The following LRRC56 variants were observed in gnomAD, a reference collection of about 807,000 sequenced individuals.
The protein encoded by LRRC56 is leucine-rich repeat-containing protein 56.
In LRRC56, 41 loss-of-function variants were observed where a neutral mutation model predicts 47.8. The ratio of observed to expected loss-of-function variants is 0.86; its 90% CI spans 0.67 to 1.11. LRRC56 has a LOEUF of 1.11. Ranked by LOEUF, LRRC56 falls within the 50% of genes most tolerant of loss-of-function variation. The probability of loss-of-function intolerance (pLI) is 0.00; values close to 1 mark genes in which losing one functional copy is unlikely to be tolerated. For missense variants in LRRC56, 759 were observed against 704.2 expected (o/e 1.08, Z -0.88); for synonymous variants, 387 against 311.2 (o/e 1.24, Z -2.56).
chr11:554,890 G>A lies in LRRC56; in HGVS notation c.*614G>A. On this transcript the variant is annotated 3_prime_UTR_variant, in exon 14 of 14. Transcript: ENST00000270115. ...TGCGGTTTACTTTGTAGGCCACGTT[G>A]GTTCAATAAATGATGCAGCGGACAC... The A allele has an allele frequency of 1.1e-6, 1 of 891,414 alleles. No homozygotes were observed. Among genetic ancestry groups the A allele is most frequent in the South Asian group, 1.9e-5 (1 of 53,252 alleles). 55.2% of individuals were successfully genotyped at this position (891,414 alleles called of 1,614,324 possible). A position where few individuals can be genotyped will look rare whatever the true frequency, so the allele number is the denominator to read the frequency against.
chr11:551,277 G>A lies in LRRC56; in HGVS notation c.771G>A (p.Lys257=). The A allele has an allele frequency of 1.3e-6, 2 of 1,536,302 alleles. No individual in the cohort carries two copies. The highest frequency in any genetic ancestry group is 1.2e-5 in the South Asian group (1 of 83,366). ...GGCTTGCGGTGAAGGAGGCCATCAA[G>A]AAGGGCAACGGCCTTCCCCCGCTGG... The part of the protein sequence containing the change: ...QDWLAVKEAI[K]KGNGLPPLDC... The change falls in exon 9 of 14, where the codon AAG becomes AAA. Residue 257 remains lysine (K), a synonymous_variant. Coordinates refer to ENST00000270115, the MANE Select transcript of LRRC56 (RefSeq NM_198075.4).
intron 5 of LRRC56, among the ~76,000 whole-genome samples, chr11:543,195 T>C (rs1278173900): frequency 1.8e-5 from 2 of 113,386 alleles, no homozygotes; most frequent in Non-Finnish European, 3.5e-5. Context: ...CCACCGCGCC[T>C]GGCCTGTTTT....
upstream of LRRC56, chr11:533,878 C>G (rs1589792804): frequency 6.2e-7 from 1 of 1,613,278 alleles, no homozygotes; most frequent in Non-Finnish European, 8.5e-7. Context: ...TCCTCCTGGC[C>G]GGCGGTATCC....
upstream of LRRC56, chr11:533,739 C>G (rs992164926): frequency 1.9e-6 from 3 of 1,612,834 alleles, no homozygotes; most frequent in Non-Finnish European, 2.5e-6. Context: ...GCGGCGTGGG[C>G]TCCCGGGCCA....
chr11:509,714 A>ATTT, the LRRC56 span, among the ~76,000 whole-genome samples: 2 of 125,208 alleles, frequency 1.6e-5, no homozygotes, highest in Non-Finnish European at 3.3e-5. Context: ...CGCCCGGCTA[A>ATTT]TTTTTTTTTT....
At chr11:545,477 C>CA (rs1852021484) in intron 6 of LRRC56, among the ~76,000 whole-genome samples, 3 of 152,140 alleles carry the variant, frequency 2.0e-5, no homozygotes, top group African/African-American at 7.2e-5. Context: ...GGGAGAGGCA[C>CA]AGCCAGAGCC....
At chr11:524,936 A>AAAAAC in the LRRC56 span, among the ~76,000 whole-genome samples, 2 of 149,814 alleles carry the variant, frequency 1.3e-5, no homozygotes, top group African/African-American at 4.9e-5. Flanking sequence ...ACTAAAATAC[A>AAAAAC]AAAACAAAAA....
At chr11:534,601 C>A (rs1851340963), upstream of LRRC56, 2 of 549,166 alleles carry the variant, frequency 3.6e-6, no homozygotes, top group Non-Finnish European at 6.6e-6. Flanking sequence ...GAAAAGGGAC[C>A]CAGCCCTCAA....
chr11:534,825 G>C (rs944788608), upstream of LRRC56, among the ~76,000 whole-genome samples: 1 of 152,200 alleles, frequency 6.6e-6, no homozygotes, highest in Non-Finnish European at 1.5e-5. Flanking sequence ...TTTGCTGAGC[G>C]CCTACTGCGT....
In LRRC56 at chr11:554,823, C is replaced by T; in HGVS notation, c.*547C>T. ...TCCCTCCTCTTGGCGCAGGACGCCCCGGAACCCAAACCAACATTTCCAGCT... is the reference window on the plus strand; with the variant it reads ...TCCCTCCTCTTGGCGCAGGACGCCCTGGAACCCAAACCAACATTTCCAGCT... On this transcript the variant is annotated 3_prime_UTR_variant, in exon 14 of 14. Coordinates refer to ENST00000270115, the MANE Select transcript of LRRC56 (RefSeq NM_198075.4). 1.2e-5 allele frequency: 7 copies of T among 582,866 alleles called. No individual in the cohort carries two copies. Among genetic ancestry groups the T allele is most frequent in the Non-Finnish European group, 1.4e-5 (5 of 353,476 alleles). 36.1% of individuals were successfully genotyped at this position (582,866 alleles called of 1,614,324 possible). A position where few individuals can be genotyped will look rare whatever the true frequency, so the allele number is the denominator to read the frequency against.
chr11:525,228 A>T, the LRRC56 span, among the ~76,000 whole-genome samples: 1 of 150,414 alleles, frequency 6.6e-6, no homozygotes, highest in Non-Finnish European at 1.5e-5. Context: ...ACATGGTGAA[A>T]CCCTGTCTCT....
At chr11:532,402 C>G in the LRRC56 span, 1 of 619,702 alleles carries the variant, frequency 1.6e-6, no homozygotes, top group South Asian at 1.9e-5. Flanking sequence ...CCTCGGCCCA[C>G]GGTCCCGGGG....
At chr11:507,833 T>C in the LRRC56 span, among the ~76,000 whole-genome samples, 4 of 152,180 alleles carry the variant, frequency 2.6e-5, no homozygotes, top group African/African-American at 9.7e-5. Context: ...CTGCCGCCTT[T>C]GTTTCGTGGG....
intron 1 of LRRC56, 119 bp from the exon 2 acceptor site, chr11:538,479 T>C (rs977255777): frequency 6.6e-6 from 1 of 152,232 alleles, no homozygotes; most frequent in Non-Finnish European, 1.5e-5. Flanking sequence ...AGATTCTGCT[T>C]TGGGCTTCAC....
At chr11:511,721 C>T in the LRRC56 span, among the ~76,000 whole-genome samples, 1 of 152,224 alleles carries the variant, frequency 6.6e-6, no homozygotes, top group African/African-American at 2.4e-5. Context: ...ATACAAGATG[C>T]CTCAGGGCCC....
At chr11:535,441 G>C (rs1851433061), upstream of LRRC56, 1 of 144,788 alleles carries the variant, frequency 6.9e-6, no homozygotes, top group Non-Finnish European at 1.6e-5. Context: ...CTGCCCCCGG[G>C]GCCAGGGCCG....
At chr11:552,731 T>C in intron 13 of LRRC56, 29 bp downstream of exon 13, 1 of 1,570,100 alleles carries the variant, frequency 6.4e-7, no homozygotes, top group Non-Finnish European at 8.6e-7. Flanking sequence ...TGCCCCCCAG[T>C]GCCTGGGAGT....
the LRRC56 span, among the ~76,000 whole-genome samples, chr11:518,043 G>C: frequency 6.6e-6 from 1 of 152,112 alleles, no homozygotes. Context: ...AGGCCGCAGG[G>C]ACCTCTGCCT....
At chr11:523,215 G>A in the LRRC56 span, among the ~76,000 whole-genome samples, 2 of 151,992 alleles carry the variant, frequency 1.3e-5, no homozygotes, top group African/African-American at 2.4e-5. Context: ...TTTTAGTAGA[G>A]GCAGAGTTTC....
Sources: allele counts gnomAD v4.1 joint callset (sites outside exome capture counted in the v4.1 genomes callset), GRCh38; gene constraint gnomAD v4.1.1; transcripts MANE v1.5; gene names NCBI Gene and HGNC (gene_info 2026-07-23, HGNC 2026-07-21).